EEFSEC: variants seen among roughly 807,000 people sequenced by gnomAD.
EEFSEC encodes the protein selenocysteine-specific elongation factor.
Under a neutral mutation model 42.1 loss-of-function variants are expected in EEFSEC, and 43 were observed. The observed-to-expected ratio is 1.02, with a 90% CI of 0.80 to 1.32. The LOEUF is 1.32. Among genes scored for constraint, EEFSEC ranks in the 40% most tolerant of loss-of-function variants. EEFSEC has a pLI of 0.00. For missense variants in EEFSEC, 745 were observed against 803.6 expected (o/e 0.93, Z 0.88); for synonymous variants, 354 against 339.1 (o/e 1.04, Z -0.48).
chr3:128,162,629 A>G (rs562982495), intron 1 of EEFSEC, among the ~76,000 whole-genome samples: 1 of 152,338 alleles, frequency 6.6e-6, no homozygotes, highest in African/African-American at 2.4e-5. Flanking sequence ...AATGCAGAAT[A>G]TTTGAGCAGG....
intron 1 of EEFSEC, among the ~76,000 whole-genome samples, chr3:128,232,545 G>A (rs1188954815): frequency 3.9e-5 from 6 of 152,170 alleles, no homozygotes; most frequent in African/African-American, 7.2e-5. Context: ...AGTGCTAGAG[G>A]AAATCCTAAA....
chr3:128,245,456 C>A (rs1016441482), intron 1 of EEFSEC, among the ~76,000 whole-genome samples: 10 of 152,202 alleles, frequency 6.6e-5, no homozygotes, highest in Admixed American at 3.3e-4. Flanking sequence ...CTGCGTGCAC[C>A]TGAGCCTAGC....
intron 5 of EEFSEC, among the ~76,000 whole-genome samples, chr3:128,343,974 C>T (rs1254921013): frequency 6.6e-6 from 1 of 152,216 alleles, no homozygotes; most frequent in Non-Finnish European, 1.5e-5. Flanking sequence ...CACAGGGTGA[C>T]TGTGGATGTG....
intron 1 of EEFSEC, among the ~76,000 whole-genome samples, chr3:128,164,022 C>T (rs2065220085): frequency 6.6e-6 from 1 of 151,950 alleles, no homozygotes; most frequent in Admixed American, 6.5e-5. Context: ...TCTTAGCCAT[C>T]TTAAGTGTAC....
intron 4 of EEFSEC, among the ~76,000 whole-genome samples, chr3:128,320,948 G>A (rs111551131): frequency 2.6e-5 from 4 of 152,316 alleles, no homozygotes; most frequent in African/African-American, 9.6e-5. Flanking sequence ...AGGACATAAC[G>A]GGACCTACCT....
intron 1 of EEFSEC, among the ~76,000 whole-genome samples, chr3:128,177,475 T>C (rs1015093799): frequency 7.1e-6 from 1 of 140,432 alleles, no homozygotes; most frequent in Non-Finnish European, 1.5e-5. Context: ...ATATAAATGA[T>C]GCATTTTGAA....
intron 5 of EEFSEC, among the ~76,000 whole-genome samples, chr3:128,344,664 G>A (rs1446731799): frequency 6.6e-6 from 1 of 152,210 alleles, no homozygotes. Context: ...CTCTTGAAAA[G>A]CTCGAATCTC....
At chr3:128,173,707 G>C (rs762939259) in intron 1 of EEFSEC, among the ~76,000 whole-genome samples, 1 of 152,150 alleles carries the variant, frequency 6.6e-6, no homozygotes, top group Non-Finnish European at 1.5e-5. Flanking sequence ...CTTTTCAAGT[G>C]AACATCAAAT....
At chr3:128,235,581 T>A (rs2066000140) in intron 1 of EEFSEC, among the ~76,000 whole-genome samples, 1 of 152,234 alleles carries the variant, frequency 6.6e-6, no homozygotes, top group Non-Finnish European at 1.5e-5. Context: ...ATGTTCTTTC[T>A]CCCACGGATC....
chr3:128,266,336 AGAGGGTCCCTACT>A, intron 4 of EEFSEC, among the ~76,000 whole-genome samples: 1 of 152,190 alleles, frequency 6.6e-6, no homozygotes, highest in Non-Finnish European at 1.5e-5. Context: ...AGGGAAGTGG[AGAGGGTCCCTACT>A]GGCACCCATG....
intron 2 of EEFSEC, among the ~76,000 whole-genome samples, chr3:128,252,420 T>C (rs541373543): frequency 1.3e-5 from 2 of 152,282 alleles, no homozygotes; most frequent in South Asian, 2.1e-4. Flanking sequence ...GAGGGAGCAT[T>C]TCACGTGGAG....
chr3:128,420,822 G>T, the EEFSEC span, among the ~76,000 whole-genome samples: 1 of 152,160 alleles, frequency 6.6e-6, no homozygotes, highest in East Asian at 1.9e-4. Flanking sequence ...GAGTCTAGCA[G>T]GGTGCTCCCC....
chr3:128,389,360 CAG>C (rs1465050282), intron 6 of EEFSEC, among the ~76,000 whole-genome samples: 2 of 152,254 alleles, frequency 1.3e-5, no homozygotes, highest in Admixed American at 6.5e-5. Flanking sequence ...TTTCCCCACA[CAG>C]AGTGGTCCTG....
intron 6 of EEFSEC, among the ~76,000 whole-genome samples, chr3:128,383,794 G>A (rs1361022538): frequency 6.6e-6 from 1 of 152,228 alleles, no homozygotes; most frequent in Non-Finnish European, 1.5e-5. Flanking sequence ...GGGCAGGCAG[G>A]TGACAGAAAT....
rs71329987 is a variant in EEFSEC at position 128,176,218 on chromosome 3, G to C, written c.316+22395G>C. Among the ~76,000 whole-genome samples the C allele has an allele frequency of 8.0e-3, 1,215 of 152,040 alleles. 7 individuals are homozygous for C. The highest frequency in any genetic ancestry group is 0.016 in the Admixed American group (241 of 15,276). On this transcript the variant is annotated intron_variant, in intron 1 of 6. Coordinates refer to ENST00000254730, the MANE Select transcript of EEFSEC (RefSeq NM_021937.5). ...TTTGGTTGGGAAGGCAGGCTAGATG[G>C]ATGGTCTCTGATACCACGTGTAACA...
chr3:128,174,724 A>G (rs1023847896), intron 1 of EEFSEC, among the ~76,000 whole-genome samples: 1 of 152,220 alleles, frequency 6.6e-6, no homozygotes, highest in Non-Finnish European at 1.5e-5. Flanking sequence ...TAGAGTTAGC[A>G]GTAACTGTGA....
downstream of EEFSEC, among the ~76,000 whole-genome samples, chr3:128,408,999 C>T (rs1265829114): frequency 6.6e-6 from 1 of 152,192 alleles, no homozygotes; most frequent in Non-Finnish European, 1.5e-5. Context: ...TCAGCCCCTG[C>T]CCTCAAGTTT....
intron 6 of EEFSEC, among the ~76,000 whole-genome samples, chr3:128,405,811 C>T (rs182107390): frequency 6.6e-6 from 1 of 152,376 alleles, no homozygotes; most frequent in East Asian, 1.9e-4. Flanking sequence ...TGTGCCTCTG[C>T]CCAGCTTCCT....
intron 1 of EEFSEC, among the ~76,000 whole-genome samples, chr3:128,218,277 G>A (rs997367883): frequency 6.6e-6 from 1 of 152,214 alleles, no homozygotes; most frequent in Admixed American, 6.5e-5. Context: ...CACAGACATA[G>A]ACTGTAAGAA....
Sources: gnomAD v4.1 joint callset for allele counts (sites outside exome capture counted in the v4.1 genomes callset) on GRCh38, gnomAD v4.1.1 for gene constraint, MANE v1.5 for transcripts, NCBI Gene and HGNC (gene_info 2026-07-23, HGNC 2026-07-21) for gene names.